EFTUD2: variants seen among roughly 807,000 people sequenced by gnomAD.
EFTUD2 encodes the protein 116 kDa U5 small nuclear ribonucleoprotein component.
Under a neutral mutation model 114.3 loss-of-function variants are expected in EFTUD2, and 9 were observed. The observed-to-expected ratio is 0.08, with a 90% confidence interval of 0.05 to 0.14. The LOEUF is 0.14. Among genes scored for constraint, EFTUD2 ranks in the 10% least tolerant of loss-of-function variants. The pLI is 1.00. For synonymous variants in EFTUD2, 449 were observed against 462.3 expected (o/e 0.97, Z 0.37); for missense variants, 765 against 1,241.2 (o/e 0.62, Z 5.76).
intron 1 of EFTUD2, among the ~76,000 whole-genome samples, chr17:44,894,845 G>A (rs2051349546): frequency 6.6e-6 from 1 of 152,200 alleles, no homozygotes; most frequent in South Asian, 2.1e-4. Context: ...CGTGGGGGGC[G>A]CTCCAAAGCC....
intron 18 of EFTUD2, chr17:44,859,657 A>G: frequency 1.7e-6 from 1 of 600,826 alleles, no homozygotes; most frequent in Admixed American, 2.9e-5. Flanking sequence ...ACACACACAC[A>G]CACAACCTTG....
At chr17:44,868,190 G>T in intron 12 of EFTUD2, 97 bp downstream of exon 12, 48 of 922,356 alleles carry the variant, frequency 5.2e-5, no homozygotes, top group Non-Finnish European at 7.1e-5. Context: ...AAAAAAAAAA[G>T]TAGGTATTTA....
chr17:44,867,342 C>G (rs1188903248), intron 13 of EFTUD2, among the ~76,000 whole-genome samples: 1 of 148,120 alleles, frequency 6.8e-6, no homozygotes, highest in Non-Finnish European at 1.5e-5. Flanking sequence ...CTCTGTCGCC[C>G]AGGCTGGAGT....
chr17:44,855,501 G>A (rs967036172), intron 20 of EFTUD2, among the ~76,000 whole-genome samples: 1 of 152,016 alleles, frequency 6.6e-6, no homozygotes, highest in African/African-American at 2.4e-5. Context: ...CCAGAAGGCG[G>A]AGGTTGCAGT....
intron 1 of EFTUD2, chr17:44,899,113 G>A (rs1017583574): frequency 6.6e-6 from 1 of 152,196 alleles, no homozygotes; most frequent in African/African-American, 2.4e-5. Flanking sequence ...CCTACCTAGC[G>A]ATACGATTTT....
At chr17:44,871,504 A>C (rs1404374170) in intron 11 of EFTUD2, among the ~76,000 whole-genome samples, 2 of 151,194 alleles carry the variant, frequency 1.3e-5, no homozygotes, top group East Asian at 3.9e-4. Flanking sequence ...ACGCCTGGCT[A>C]ATTTTTTTGC....
intron 12 of EFTUD2, 50 bp downstream of exon 12, chr17:44,868,237 C>G (rs1425800690): frequency 6.7e-7 from 1 of 1,501,086 alleles, no homozygotes; most frequent in Non-Finnish European, 9.2e-7. Flanking sequence ...TCCTCACTTA[C>G]TGGGTAAATG....
At chr17:44,887,139 T>C (rs1270347961) in intron 2 of EFTUD2, among the ~76,000 whole-genome samples, 1 of 152,186 alleles carries the variant, frequency 6.6e-6, no homozygotes, top group Non-Finnish European at 1.5e-5. Flanking sequence ...ATCCACAGAA[T>C]TGTTTTTGGA....
In EFTUD2 at chr17:44,854,947, C is replaced by G; in HGVS notation, c.2103G>C (p.Glu701Asp). The G allele has an allele frequency of 6.2e-7, 1 of 1,614,232 alleles. No homozygotes were observed. The highest frequency in any genetic ancestry group is 1.1e-5 in the South Asian group (1 of 91,080). The stretch of plus-strand genomic sequence containing the variant: ...TCCACGTAATCTGGACCACCTCATT[C>G]TCTATGTCCTCTGCCAGGCCCTTCT... ...PLEKGLAEDI[E>D]NEVVQITWNR... is the part of the protein sequence containing the mutation. Residue 701 changes from glutamate to aspartate, a missense_variant, in exon 21 of 28, where the codon GAG (glutamate) becomes GAC (aspartate). Coordinates refer to ENST00000426333, the MANE Select transcript of EFTUD2 (RefSeq NM_004247.4). This position sits in a 1 kb window ranked among gnomAD's most constrained non-coding sequence, Gnocchi z 4.3.
Position 44,862,953 on chromosome 17 carries a change from G to T in EFTUD2, c.1414-47C>A, listed in dbSNP as rs1278233685. 2.0e-6 allele frequency: 3 copies of T among 1,525,954 alleles called. No individual in the cohort carries two copies. The African/African-American group carries it at 4.1e-5, about 21-fold the overall frequency. The allele number at this position is 1,525,954 out of a possible 1,614,324, so 94.5% of individuals were successfully genotyped here. On this transcript the variant is annotated intron_variant, in intron 15 of 27. Transcript: ENST00000426333. ...AGCTTCAACCACATCTATGCTCCGG[G>T]GAAGTACTACTCCCCGCCATCTTCC...
intron 2 of EFTUD2, among the ~76,000 whole-genome samples, chr17:44,891,513 C>T (rs2051278433): frequency 6.6e-6 from 1 of 152,164 alleles, no homozygotes. Context: ...CCATGCTTGG[C>T]TAATTTTTAA....
chr17:44,881,583 A>T, intron 7 of EFTUD2, 104 bp downstream of exon 7: 3 of 1,184,166 alleles, frequency 2.5e-6, no homozygotes, highest in Non-Finnish European at 3.8e-6. Context: ...GAGGAGTAGG[A>T]TATGAACTAA....
chr17:44,894,711 T>C (rs1052369832), intron 1 of EFTUD2, among the ~76,000 whole-genome samples, 186 bp from the exon 2 acceptor site: 2 of 152,186 alleles, frequency 1.3e-5, no homozygotes, highest in Non-Finnish European at 2.9e-5. Flanking sequence ...TCTGCCTTAC[T>C]TGTCTCTATT....
intron 3 of EFTUD2, among the ~76,000 whole-genome samples, chr17:44,886,285 G>T (rs1415038263): frequency 1.3e-5 from 2 of 152,116 alleles, no homozygotes; most frequent in African/African-American, 4.8e-5. Flanking sequence ...GGTTAAAAGG[G>T]TTGGAGTTAT....
At chr17:44,897,628 G>C (rs529297870) in intron 1 of EFTUD2, among the ~76,000 whole-genome samples, 72 of 152,168 alleles carry the variant, frequency 4.7e-4, no homozygotes, top group Admixed American at 2.7e-3. Context: ...GCAGTGGCAC[G>C]ATCTCGACTC....
Position 44,854,898 on chromosome 17 carries a change from C to T in EFTUD2, c.2132+20G>A, listed in dbSNP as rs189240355. 2.5e-6 allele frequency: 4 copies of T among 1,611,998 alleles called. No individual in the cohort carries two copies. The highest frequency in any genetic ancestry group is 3.4e-6 in the Non-Finnish European group (4 of 1,178,188). ...CATCCCTGCCTCCTTTCGACCCTGG[C>T]GTCAGAGCCCTGTTCTCACCTGTTC... On this transcript the variant is annotated intron_variant, in intron 21 of 27. Transcript: ENST00000426333. The surrounding 1 kb of genome is among the most constrained non-coding windows in gnomAD (Gnocchi z 4.3).
At chr17:44,875,495 A>G (rs961832614) in intron 10 of EFTUD2, 2 of 152,216 alleles carry the variant, frequency 1.3e-5, no homozygotes, top group African/African-American at 4.8e-5. Context: ...ATGCCACTGC[A>G]CTCCAGCCTG....
intron 15 of EFTUD2, 186 bp downstream of exon 15, chr17:44,863,469 G>T (rs915432329): frequency 8.5e-6 from 6 of 706,818 alleles, no homozygotes; most frequent in African/African-American, 1.8e-5. Context: ...GGAAATGTGA[G>T]TAATGTTCCC....
At position 44,865,041 on chromosome 17, in the gene EFTUD2, G is replaced by C; in HGVS notation, c.1174C>G (p.Leu392Val). ...CCAAGCTCGTCTAGGGTCCGTGGGA[G>C]GCTGGTGTCCACGTCACCTACAACC... ...AQVVGDVDTS[L>V]PRTLDELGIH... Residue 392 changes from leucine to valine, a missense_variant, in exon 14 of 28, where the codon CTC becomes GTC. By Grantham distance (32) the Leu-to-Val change is conservative. This residue lies in a region of EFTUD2 where 251 missense variants were observed against 357.7 expected (regional missense o/e 0.70). Transcript: ENST00000426333. 1 of 1,614,174 alleles carries C rather than the reference G, an allele frequency of 6.2e-7. No individual in the cohort carries two copies. The highest frequency in any genetic ancestry group is 1.1e-5 in the South Asian group (1 of 91,088).
Sources: gnomAD v4.1 joint callset for allele counts (sites outside exome capture counted in the v4.1 genomes callset) on GRCh38, gnomAD v4.1.1 for gene constraint, gnomAD v4.1.1 regional missense constraint, Gnocchi (gnomAD v3.1) non-coding constraint, MANE v1.5 for transcripts, NCBI Gene and HGNC (gene_info 2026-07-23, HGNC 2026-07-21) for gene names.